The following UPF2 variants were observed in gnomAD, a reference collection of about 807,000 sequenced individuals.
UPF2 encodes the protein UPF2 regulator of nonsense mediated mRNA decay.
Under a neutral mutation model 141.4 loss-of-function variants are expected in UPF2, and 17 were observed. The ratio of observed to expected loss-of-function variants is 0.12; its 90% CI spans 0.08 to 0.18. The LOEUF (loss-of-function observed/expected upper bound fraction) is 0.18, where lower values mean the gene tolerates loss of function less well. Ranked by LOEUF, UPF2 falls within the 10% of genes least tolerant of loss-of-function variation. The probability of loss-of-function intolerance (pLI) is 1.00; values close to 1 mark genes in which losing one functional copy is unlikely to be tolerated. For missense variants in UPF2, 1,152 were observed against 1,515.9 expected (o/e 0.76, Z 3.99); for synonymous variants, 540 against 498.0 (o/e 1.08, Z -1.12).
At chr10:11,972,214 ATAGT>A (rs1833430720) in intron 9 of UPF2, among the ~76,000 whole-genome samples, 1 of 152,226 alleles carries the variant, frequency 6.6e-6, no homozygotes. Context: ...GAAGGGCCAA[ATAGT>A]TATTCACCCA....
At chr10:12,009,746 T>G (rs1005256002) in intron 4 of UPF2, among the ~76,000 whole-genome samples, 1 of 152,162 alleles carries the variant, frequency 6.6e-6, no homozygotes, top group African/African-American at 2.4e-5. Context: ...CTACCCAAGG[T>G]AGGCAGAGTT....
chr10:12,004,777 T>C, intron 4 of UPF2, 50 bp from the exon 5 acceptor site: 1 of 1,543,188 alleles, frequency 6.5e-7, no homozygotes. Flanking sequence ...GGTTATAGCA[T>C]GATAAACATG....
At chr10:11,951,208 G>A (rs757349685) in intron 15 of UPF2, among the ~76,000 whole-genome samples, 2 of 152,030 alleles carry the variant, frequency 1.3e-5, no homozygotes, top group South Asian at 2.1e-4. Flanking sequence ...GATTACAGGT[G>A]TGCGCCAACA....
At chr10:11,970,788 G>C (rs1362871451) in intron 9 of UPF2, among the ~76,000 whole-genome samples, 7 of 151,896 alleles carry the variant, frequency 4.6e-5, no homozygotes, top group Non-Finnish European at 1.5e-5. Context: ...TTCCAGCCCG[G>C]GCGACAGAGT....
At chr10:11,954,825 AAAAG>A (rs1448746351) in intron 14 of UPF2, among the ~76,000 whole-genome samples, 6 of 150,474 alleles carry the variant, frequency 4.0e-5, no homozygotes, top group Admixed American at 6.6e-5. Context: ...AAAAAAAAAA[AAAAG>A]AAAGAAACAA....
chr10:12,005,083 T>C (rs1312946715), intron 4 of UPF2, among the ~76,000 whole-genome samples: 1 of 146,532 alleles, frequency 6.8e-6, no homozygotes, highest in Non-Finnish European at 1.5e-5. Flanking sequence ...AGACATCCGT[T>C]TAAAGTCCCA....
chr10:11,967,546 GTT>G (rs755905255), intron 9 of UPF2, 92 bp from the exon 10 acceptor site: 5,416 of 241,304 alleles, frequency 0.022, no homozygotes, highest in Middle Eastern at 0.04. Flanking sequence ...ATTCACTCCA[GTT>G]TTTTTTTTTT....
chr10:11,978,792 T>C (rs776524549), intron 9 of UPF2, among the ~76,000 whole-genome samples: 4 of 152,174 alleles, frequency 2.6e-5, no homozygotes, highest in Non-Finnish European at 5.9e-5. Context: ...GAGAATGATT[T>C]CTACCTTAGA....
rs145895203 is a variant in UPF2, at chr10:11,972,670, A to G, written c.1954-5216T>C. Reference sequence around the variant, plus strand: ...TCCTTGCAATAGTTTGCTCAGAATGATGGTTTCCAGCTTCATCCATGTCCC... The same window carrying G: ...TCCTTGCAATAGTTTGCTCAGAATGGTGGTTTCCAGCTTCATCCATGTCCC... On this transcript the variant is annotated intron_variant, in intron 9 of 21. Transcript: ENST00000357604. Among the ~76,000 whole-genome samples, 460 of 152,262 alleles carry G rather than the reference A, an allele frequency of 3.0e-3. 3 individuals carry two copies. Among genetic ancestry groups the G allele is most frequent in the Middle Eastern group, 0.01 (3 of 294 alleles).
chr10:12,002,953 A>G (rs1019438783), intron 5 of UPF2, among the ~76,000 whole-genome samples: 1 of 152,202 alleles, frequency 6.6e-6, no homozygotes, highest in Non-Finnish European at 1.5e-5. Context: ...TATAGTCTCT[A>G]ATCTCCTAAT....
chr10:11,994,148 AAAT>A (rs1370037667), intron 8 of UPF2, among the ~76,000 whole-genome samples: 4 of 152,340 alleles, frequency 2.6e-5, no homozygotes, highest in African/African-American at 9.6e-5. Context: ...TAAAGAGAAT[AAAT>A]AATAAATCTA....
rs765269204 is a variant in UPF2, at chr10:12,028,814, T to C, written c.1076A>G (p.Tyr359Cys). The C allele has an allele frequency of 6.2e-7, 1 of 1,614,166 alleles. No individual in the cohort carries two copies. The highest frequency in any genetic ancestry group is 1.1e-5 in the South Asian group (1 of 91,082). Residue 359 changes from tyrosine to cysteine, a missense_variant, in exon 3 of 22, where the codon TAC becomes TGC. This residue lies in a region of UPF2 where 739 missense variants were observed against 1,032.2 expected (regional missense o/e 0.72). Coordinates refer to ENST00000357604, the MANE Select transcript of UPF2 (RefSeq NM_015542.4). ...CAGGTGTTTGGTCAAAGACGTAAAG[T>C]ACTCTTTTAAAAGATTCTGGAAGGG... ...QQPFQNLLKE[Y>C]FTSLTKHLKR...
Position 11,999,609 on chromosome 10 carries a change from A to G in UPF2, c.1758+297T>C, listed in dbSNP as rs559174647. Among the ~76,000 whole-genome samples, 6 of 152,252 alleles carry G rather than the reference A, an allele frequency of 3.9e-5. No individual in the cohort carries two copies. In the South Asian group the frequency reaches 1.2e-3, roughly 32 times the overall value. ...TCACAGAACCCCAGGAAGTGCCTCA[A>G]AGCCATTAAAAATCCAGAAACCATA... On this transcript the variant is annotated intron_variant, in intron 7 of 21. Coordinates refer to ENST00000357604, the MANE Select transcript of UPF2 (RefSeq NM_015542.4).
chr10:11,959,127 A>AAATCTCACGTTAACTATTAACTGC lies in UPF2; in HGVS notation c.2370+20_2370+43dup. Reference sequence around the variant, plus strand: ...CTCTACATAAGCTTAGCACTACCACAAATCTCACGTTAACTATTAACTGCA... The same window carrying AAATCTCACGTTAACTATTAACTGC: ...CTCTACATAAGCTTAGCACTACCACAAATCTCACGTTAACTATTAACTGCAATCTCACGTTAACTATTAACTGCA... On this transcript the variant is annotated intron_variant, in intron 12 of 21. Transcript: ENST00000357604. The surrounding 1 kb of genome is among the most constrained non-coding windows in gnomAD (Gnocchi z 5.9). 1.3e-6 allele frequency: 2 copies of AAATCTCACGTTAACTATTAACTGC among 1,529,922 alleles called. No homozygotes were observed. The highest frequency in any genetic ancestry group is 1.7e-6 in the Non-Finnish European group (2 of 1,145,420). The allele number at this position is 1,529,922 out of a possible 1,614,324, so 94.8% of individuals were successfully genotyped here.
intron 1 of UPF2, among the ~76,000 whole-genome samples, chr10:12,038,378 TCACA>T (rs200544672): frequency 0.21 from 28,879 of 135,298 alleles, 3,021 homozygotes; most frequent in East Asian, 0.41. Flanking sequence ...AGACTCCATC[TCACA>T]CACACACACA....
intron 8 of UPF2, among the ~76,000 whole-genome samples, chr10:11,985,347 C>T (rs927700238): frequency 6.6e-6 from 1 of 152,078 alleles, no homozygotes; most frequent in Non-Finnish European, 1.5e-5. Context: ...CTTAAGAATG[C>T]TTTCTGCTGG....
At chr10:11,978,479 T>G (rs1833541799) in intron 9 of UPF2, among the ~76,000 whole-genome samples, 1 of 152,150 alleles carries the variant, frequency 6.6e-6, no homozygotes, top group African/African-American at 2.4e-5. Flanking sequence ...ACATAGTTTG[T>G]TCATACTTCT....
At chr10:11,976,982 G>A (rs978784929) in intron 9 of UPF2, among the ~76,000 whole-genome samples, 4 of 152,142 alleles carry the variant, frequency 2.6e-5, no homozygotes, top group Non-Finnish European at 4.4e-5. Flanking sequence ...CCAAAGTTAC[G>A]ATGCTAGCAT....
rs1296036893 is a variant in UPF2 at position 11,929,717 on chromosome 10, TACTTTTCTATTTTGCTAAAATATCAAAG to T, written c.3809+120_3809+147del. On this transcript the variant is annotated intron_variant, in intron 21 of 21. Coordinates refer to ENST00000357604, the MANE Select transcript of UPF2 (RefSeq NM_015542.4). ...AGCAGGTTTTTCCCCCTCAAATATC[TACTTTTCTATTTTGCTAAAATATCAAAG>T]ACTTTTCTATTTTGCTAAAAATCGG... The T allele has an allele frequency of 3.5e-6, 4 of 1,141,352 alleles. No homozygotes were observed. In the African/African-American group the frequency reaches 4.7e-5, roughly 13 times the overall value. 70.7% of individuals were successfully genotyped at this position (1,141,352 alleles called of 1,614,324 possible). A position where few individuals can be genotyped will look rare whatever the true frequency, so the allele number is the denominator to read the frequency against.
Sources: gnomAD v4.1 joint callset for allele counts (sites outside exome capture counted in the v4.1 genomes callset) on GRCh38, gnomAD v4.1.1 for gene constraint, gnomAD v4.1.1 regional missense constraint, Gnocchi (gnomAD v3.1) non-coding constraint, MANE v1.5 for transcripts, NCBI Gene and HGNC (gene_info 2026-07-23, HGNC 2026-07-21) for gene names.